The following SOX6 variants were observed in gnomAD, a reference collection of about 807,000 sequenced individuals.
The protein encoded by SOX6 is transcription factor SOX-6.
A neutral mutation model predicts 97.8 loss-of-function variants in SOX6; 11 were observed. That is an observed-to-expected ratio of 0.11 (90% CI 0.07 to 0.19). The LOEUF (loss-of-function observed/expected upper bound fraction) is 0.19, where lower values mean the gene tolerates loss of function less well. Ranked by LOEUF, SOX6 falls within the 10% of genes least tolerant of loss-of-function variation. SOX6 has a pLI of 1.00. For synonymous variants in SOX6, 360 were observed against 371.4 expected (o/e 0.97, Z 0.35); for missense variants, 810 against 1,039.5 (o/e 0.78, Z 3.04).
chr11:16,363,666 T>C (rs1857267443), intron 1 of SOX6, among the ~76,000 whole-genome samples: 1 of 152,154 alleles, frequency 6.6e-6, no homozygotes, highest in South Asian at 2.1e-4. Flanking sequence ...AATGACTACT[T>C]GGTTACTAAA....
At chr11:16,692,580 A>C (rs1351423171) in intron 3 of SOX6, among the ~76,000 whole-genome samples, 7 of 152,370 alleles carry the variant, frequency 4.6e-5, no homozygotes, top group Admixed American at 3.3e-4. Context: ...AAGACAGTTT[A>C]CCAACTTTTG....
chr11:16,449,843 G>A (rs536991764), intron 1 of SOX6, among the ~76,000 whole-genome samples: 27 of 152,134 alleles, frequency 1.8e-4, no homozygotes, highest in Non-Finnish European at 2.1e-4. Context: ...GGTAGAAAAA[G>A]TCAAATCGCA....
Position 16,143,234 on chromosome 11 carries a change from C to T in SOX6, c.778-31311G>A, listed in dbSNP as rs1850195622. ...AGAAAAGAATTTTCAACCCAGAATT[C>T]CATATCCAGCCAAACTAAGCTTCAT... is the stretch of plus-strand genomic sequence containing the variant. On this transcript the variant is annotated intron_variant, in intron 6 of 15. Coordinates refer to ENST00000683767, the MANE Select transcript of SOX6 (RefSeq NM_001367873.1). 2.6e-5 allele frequency among the ~76,000 whole-genome samples: 4 copies of T among 152,078 alleles called. No individual in the cohort carries two copies. The South Asian group carries it at 6.2e-4, about 24-fold the overall frequency.
chr11:16,063,304 C>A (rs1458525980), intron 9 of SOX6, among the ~76,000 whole-genome samples: 1 of 150,790 alleles, frequency 6.6e-6, no homozygotes, highest in Non-Finnish European at 1.5e-5. Context: ...GACTCAGCCT[C>A]ATGGTGAAAC....
At chr11:16,222,150 CCATA>C (rs1387972093) in intron 4 of SOX6, among the ~76,000 whole-genome samples, 1 of 152,074 alleles carries the variant, frequency 6.6e-6, no homozygotes, top group Non-Finnish European at 1.5e-5. Flanking sequence ...ATCTATTAAC[CCATA>C]CATTAAAGAG....
At chr11:16,045,827 C>T (rs1855811637) in intron 12 of SOX6, among the ~76,000 whole-genome samples, 1 of 152,206 alleles carries the variant, frequency 6.6e-6, no homozygotes, top group Non-Finnish European at 1.5e-5. Flanking sequence ...CTATAACACC[C>T]TATTCCTTTA....
intron 9 of SOX6, among the ~76,000 whole-genome samples, chr11:16,068,143 T>C (rs1848137752): frequency 6.6e-6 from 1 of 152,062 alleles, no homozygotes; most frequent in African/African-American, 2.4e-5. Flanking sequence ...GATGTCATCA[T>C]TTATTTGATT....
At chr11:16,266,197 A>G (rs563681782) in intron 3 of SOX6, among the ~76,000 whole-genome samples, 2 of 151,912 alleles carry the variant, frequency 1.3e-5, no homozygotes, top group South Asian at 2.1e-4. Flanking sequence ...AAGGCAGGTT[A>G]TTGTAGAGGA....
chr11:16,527,299 C>A (rs1401842607), intron 4 of SOX6, among the ~76,000 whole-genome samples: 5 of 152,084 alleles, frequency 3.3e-5, no homozygotes, highest in Non-Finnish European at 7.4e-5. Flanking sequence ...TTAACTATTT[C>A]TTTACTCTTT....
chr11:16,715,268 T>C (rs1848211928), intron 2 of SOX6, among the ~76,000 whole-genome samples: 1 of 152,358 alleles, frequency 6.6e-6, no homozygotes, highest in South Asian at 2.1e-4. Context: ...CAATTACATA[T>C]TGAAATAATA....
chr11:16,710,733 T>C (rs577600455), intron 3 of SOX6, among the ~76,000 whole-genome samples: 1 of 152,216 alleles, frequency 6.6e-6, no homozygotes, highest in Non-Finnish European at 1.5e-5. Context: ...TTGAATACCA[T>C]CCCTTTATTG....
intron 3 of SOX6, among the ~76,000 whole-genome samples, chr11:16,647,883 C>T (rs936892117): frequency 6.6e-6 from 1 of 152,146 alleles, no homozygotes; most frequent in South Asian, 2.1e-4. Flanking sequence ...CCAGGGAAGC[C>T]ATCCCTGACT....
At chr11:16,072,728 A>G (rs1353876675) in intron 9 of SOX6, among the ~76,000 whole-genome samples, 1 of 152,248 alleles carries the variant, frequency 6.6e-6, no homozygotes, top group Admixed American at 6.5e-5. Flanking sequence ...AGGGAACCCC[A>G]TTAAGCTAAT....
chr11:16,253,136 T>C (rs1339117059), intron 3 of SOX6, among the ~76,000 whole-genome samples: 1 of 151,970 alleles, frequency 6.6e-6, no homozygotes, highest in Non-Finnish European at 1.5e-5. Flanking sequence ...TCACCTGAGG[T>C]AGGGAGTTCG....
chr11:16,654,727 T>C (rs865951736), intron 3 of SOX6, among the ~76,000 whole-genome samples: 4 of 152,264 alleles, frequency 2.6e-5, no homozygotes, highest in Non-Finnish European at 5.9e-5. Flanking sequence ...TACTGTTTCA[T>C]TGTCTTCTAG....
chr11:16,096,098 T>C lies in SOX6; in HGVS notation c.999A>G (p.Pro333=). The C allele has an allele frequency of 1.2e-6, 2 of 1,610,120 alleles. No homozygotes were observed. The highest frequency in any genetic ancestry group is 1.7e-6 in the Non-Finnish European group (2 of 1,178,094). Residue 333 remains proline, a synonymous_variant, in exon 9 of 16, where the codon CCA becomes CCG. Transcript: ENST00000683767. ...GGCCCTTTAGCCTTTGGTTAATTTG[T>C]GGGTGGGAGACATGACCCTTCTGTT... ...LQLQKGHVSH[P]QINQRLKGLS... is the part of the protein sequence containing the mutation.
At chr11:16,358,947 A>G (rs1444224293), upstream of SOX6, among the ~76,000 whole-genome samples, 1 of 152,180 alleles carries the variant, frequency 6.6e-6, no homozygotes, top group African/African-American at 2.4e-5. Flanking sequence ...GCACTGTGTC[A>G]AGTACCATAC....
chr11:16,735,328 C>T (rs72862543), intron 2 of SOX6, among the ~76,000 whole-genome samples: 13,649 of 152,158 alleles, frequency 0.09, 781 homozygotes, highest in Non-Finnish European at 0.13. Flanking sequence ...AATATATGCC[C>T]CATCCTGCCC....
intron 4 of SOX6, among the ~76,000 whole-genome samples, chr11:16,524,032 T>C (rs4757408): frequency 0.97 from 147,261 of 152,250 alleles, 71,414 homozygotes; most frequent in East Asian, 1. Context: ...GATTCACAGC[T>C]GAATTCTACC....
Sources: allele counts gnomAD v4.1 joint callset (sites outside exome capture counted in the v4.1 genomes callset), GRCh38; gene constraint gnomAD v4.1.1; transcripts MANE v1.5; gene names NCBI Gene and HGNC (gene_info 2026-07-23, HGNC 2026-07-21).